NPAS3: variants seen among roughly 807,000 people sequenced by gnomAD.
NPAS3 encodes neuronal PAS domain protein 3, also known as neuronal PAS domain-containing protein 3.
NPAS3 carries 14 observed loss-of-function variants against 73.1 expected under a neutral mutation model. That is an observed-to-expected ratio of 0.19 (90% CI 0.13 to 0.30). NPAS3 has a LOEUF of 0.30. NPAS3 is among the 10% of genes least tolerant of loss of function. NPAS3 has a pLI of 1.00. For missense variants in NPAS3, 1,096 were observed against 1,250.0 expected (o/e 0.88, Z 1.86); for synonymous variants, 620 against 541.5 (o/e 1.14, Z -2.01).
intron 1 of NPAS3, among the ~76,000 whole-genome samples, chr14:32,955,602 T>C (rs975684608): frequency 3.9e-5 from 6 of 152,184 alleles, no homozygotes; most frequent in African/African-American, 1.2e-4. Flanking sequence ...AGTCTTCTTC[T>C]GTACCTGTCT....
intron 2 of NPAS3, among the ~76,000 whole-genome samples, chr14:33,104,894 A>G: frequency 6.6e-6 from 1 of 152,220 alleles, no homozygotes; most frequent in East Asian, 1.9e-4. Flanking sequence ...CTTTCCAGAC[A>G]TAGTTCAGTT....
chr14:33,618,450 T>G (rs1051286358), intron 5 of NPAS3, among the ~76,000 whole-genome samples: 1 of 152,112 alleles, frequency 6.6e-6, no homozygotes, highest in Non-Finnish European at 1.5e-5. Flanking sequence ...ATCCCTCCCA[T>G]GCACAGTTCA....
chr14:33,347,467 T>G (rs2044795941), intron 3 of NPAS3, among the ~76,000 whole-genome samples: 1 of 152,260 alleles, frequency 6.6e-6, no homozygotes, highest in Non-Finnish European at 1.5e-5. Context: ...GAATATGTTA[T>G]AAGTGCTTAA....
At chr14:33,282,655 C>A (rs1043559925) in intron 3 of NPAS3, among the ~76,000 whole-genome samples, 2 of 152,148 alleles carry the variant, frequency 1.3e-5, no homozygotes, top group African/African-American at 2.4e-5. Context: ...TGAAATTTTT[C>A]GGCTGCTAGA....
rs1428851565 is a variant in NPAS3 at position 33,773,094 on chromosome 14, A to T, written c.853-1243A>T. Among the ~76,000 whole-genome samples the T allele has an allele frequency of 2.0e-5, 3 of 152,194 alleles. No homozygotes were observed. In the East Asian group the frequency reaches 5.8e-4, roughly 29 times the overall value. On this transcript the variant is annotated intron_variant, in intron 7 of 11. Coordinates refer to ENST00000356141, the Ensembl canonical transcript of NPAS3. ...ACCAAGTAACTTAAAAGAAACAAAA[A>T]TAAAATGGAAAAGGAATTGCCAGTG...
At chr14:33,409,337 G>T (rs183377514) in intron 4 of NPAS3, among the ~76,000 whole-genome samples, 2 of 152,060 alleles carry the variant, frequency 1.3e-5, no homozygotes, top group Admixed American at 1.3e-4. Context: ...CCACTTTGGT[G>T]GCCTTTATAC....
intron 4 of NPAS3, among the ~76,000 whole-genome samples, chr14:33,486,072 C>A (rs1240393840): frequency 1.3e-5 from 2 of 152,072 alleles, no homozygotes; most frequent in African/African-American, 2.4e-5. Context: ...AATAACCAGG[C>A]CTCACTGTAT....
At chr14:33,243,337 TA>T (rs2048271334) in intron 3 of NPAS3, among the ~76,000 whole-genome samples, 2 of 152,262 alleles carry the variant, frequency 1.3e-5, no homozygotes, top group East Asian at 1.9e-4. Context: ...TCTGTCTTGT[TA>T]ATCCTAAGTA....
At chr14:33,314,746 C>G (rs994249509) in intron 3 of NPAS3, among the ~76,000 whole-genome samples, 5 of 152,008 alleles carry the variant, frequency 3.3e-5, no homozygotes, top group South Asian at 2.1e-4. Context: ...AACCTTCTAC[C>G]TTTACTATCT....
chr14:33,017,643 T>C (rs1307467036), intron 1 of NPAS3, among the ~76,000 whole-genome samples: 1 of 152,142 alleles, frequency 6.6e-6, no homozygotes, highest in Non-Finnish European at 1.5e-5. Context: ...GGGTTAAGGG[T>C]GGTCTAAACT....
At position 33,320,069 on chromosome 14, in the gene NPAS3, T is replaced by C. The variant is rs552713156; in HGVS notation, c.386-47117T>C. 3.3e-5 allele frequency among the ~76,000 whole-genome samples: 5 copies of C among 152,156 alleles called. 1 individual carries two copies. The highest frequency in any genetic ancestry group is 9.6e-5 in the African/African-American group (4 of 41,540). On this transcript the variant is annotated intron_variant, in intron 3 of 11. Transcript: ENST00000356141. ...AATCGGGAAGGAGTTTGTAGAGGAA[T>C]TGGGGTTGGAGAAGCCATCAAAGAA...
intron 4 of NPAS3, among the ~76,000 whole-genome samples, chr14:33,435,976 G>A (rs1379139953): frequency 6.6e-6 from 1 of 152,142 alleles, no homozygotes; most frequent in Non-Finnish European, 1.5e-5. Flanking sequence ...CTGTGTCTGT[G>A]AGAAACTGCT....
At chr14:33,065,156 G>A (rs547008135) in intron 2 of NPAS3, among the ~76,000 whole-genome samples, 15 of 152,190 alleles carry the variant, frequency 9.9e-5, no homozygotes, top group Admixed American at 3.3e-4. Context: ...AAATCTTTCC[G>A]TACCACCTTA....
At chr14:33,367,882 C>T (rs976303101) in intron 4 of NPAS3, among the ~76,000 whole-genome samples, 12 of 152,110 alleles carry the variant, frequency 7.9e-5, no homozygotes, top group South Asian at 4.2e-4. Flanking sequence ...TTACCTAGCC[C>T]GAGAGAAAAT....
chr14:33,433,590 G>T (rs1222124756), intron 4 of NPAS3, among the ~76,000 whole-genome samples: 1 of 152,310 alleles, frequency 6.6e-6, no homozygotes, highest in African/African-American at 2.4e-5. Flanking sequence ...GTTTCTCAGG[G>T]CAGACTTATA....
chr14:32,992,795 G>A (rs2038389278), intron 1 of NPAS3, among the ~76,000 whole-genome samples: 1 of 152,094 alleles, frequency 6.6e-6, no homozygotes, highest in Non-Finnish European at 1.5e-5. Context: ...TACGTAACAA[G>A]AAGAATGGTA....
At chr14:33,085,742 T>C (rs971518981) in intron 2 of NPAS3, among the ~76,000 whole-genome samples, 1 of 152,230 alleles carries the variant, frequency 6.6e-6, no homozygotes, top group Non-Finnish European at 1.5e-5. Context: ...TATAGTAAGA[T>C]ACAACCAACA....
At chr14:33,687,099 G>A (rs572360532) in intron 6 of NPAS3, among the ~76,000 whole-genome samples, 73 of 152,290 alleles carry the variant, frequency 4.8e-4, no homozygotes, top group African/African-American at 1.6e-3. Context: ...TTTAGAAAAA[G>A]ACAGAAATAT....
intron 4 of NPAS3, among the ~76,000 whole-genome samples, chr14:33,463,485 C>T (rs1398923066): frequency 6.6e-6 from 1 of 152,042 alleles, no homozygotes; most frequent in African/African-American, 2.4e-5. Flanking sequence ...AATTATAATT[C>T]TCAAGGCTAA....
Sources: gnomAD v4.1 joint callset for allele counts (sites outside exome capture counted in the v4.1 genomes callset) on GRCh38, gnomAD v4.1.1 for gene constraint, MANE v1.5 for transcripts, NCBI Gene and HGNC (gene_info 2026-07-23, HGNC 2026-07-21) for gene names.